NLRP5: variants seen among roughly 807,000 people sequenced by gnomAD.
NLRP5 encodes the protein NACHT, LRR and PYD domains-containing protein 5.
In NLRP5, 93 loss-of-function variants were observed where a neutral mutation model predicts 113.1. That is an observed-to-expected ratio of 0.82 (90% CI 0.70 to 0.98). The LOEUF (loss-of-function observed/expected upper bound fraction) is 0.98, where lower values mean the gene tolerates loss of function less well. NLRP5 is among the 50% of genes least tolerant of loss of function. NLRP5 has a pLI of 0.00. For missense variants in NLRP5, 1,808 were observed against 1,514.3 expected (o/e 1.19, Z -3.22); for synonymous variants, 751 against 600.7 (o/e 1.25, Z -3.66).
intron 3 of NLRP5, among the ~76,000 whole-genome samples, chr19:56,009,548 C>T (rs1982101071): frequency 6.6e-6 from 1 of 152,008 alleles, no homozygotes; most frequent in African/African-American, 2.4e-5. Context: ...GACCTCATGC[C>T]AGCCACTGCT....
intron 1 of NLRP5, among the ~76,000 whole-genome samples, chr19:56,001,831 C>T (rs1169679572): frequency 6.6e-6 from 1 of 152,160 alleles, no homozygotes; most frequent in Non-Finnish European, 1.5e-5. Context: ...CTGCTGTCTA[C>T]CTGAGTCTTT....
At chr19:56,005,427 A>C (rs1981851965) in intron 2 of NLRP5, among the ~76,000 whole-genome samples, 1 of 149,070 alleles carries the variant, frequency 6.7e-6, no homozygotes, top group African/African-American at 2.5e-5. Context: ...TTATATATAC[A>C]CATATTTATA....
intron 10 of NLRP5, among the ~76,000 whole-genome samples, chr19:56,038,833 G>A (rs965626929): frequency 7.2e-5 from 11 of 152,108 alleles, no homozygotes; most frequent in Admixed American, 2.0e-4. Flanking sequence ...TTCCTTTTCC[G>A]TGTCAGAGTT....
At chr19:56,009,031 C>G (rs751693716) in intron 3 of NLRP5, among the ~76,000 whole-genome samples, 178 bp downstream of exon 3, 2 of 152,016 alleles carry the variant, frequency 1.3e-5, no homozygotes, top group Non-Finnish European at 2.9e-5. Context: ...ATTTCTCTTT[C>G]CAAGTTGAAG....
chr19:56,054,758 A>AGGG (rs896043454), intron 13 of NLRP5, among the ~76,000 whole-genome samples: 4 of 151,976 alleles, frequency 2.6e-5, no homozygotes. Flanking sequence ...GGGAAGTAGA[A>AGGG]GGGGGGCAGC....
At chr19:56,018,597 CTTTTTT>C (rs916321118) in intron 4 of NLRP5, 3 of 152,134 alleles carry the variant, frequency 2.0e-5, no homozygotes, top group Non-Finnish European at 4.4e-5. Context: ...AAATCCAATT[CTTTTTT>C]TAAGAGAGAG....
Position 56,041,073 on chromosome 19 carries a change from T to C in NLRP5, c.2938T>C (p.Cys980Arg), listed in dbSNP as rs749204736. ...GTGTCGATCCATGAGGCTTCCCCACTGTAGTCTGCAGAGGCTGATGTGAGT... is the reference window on the plus strand; with the variant it reads ...GTGTCGATCCATGAGGCTTCCCCACCGTAGTCTGCAGAGGCTGATGTGAGT... The change falls in exon 11 of 15, where the codon TGT (cysteine) becomes CGT (arginine). Residue 980 changes from cysteine (C) to arginine (R), a missense_variant. Coordinates refer to ENST00000390649, the MANE Select transcript of NLRP5 (RefSeq NM_153447.4). The C allele has an allele frequency of 5.5e-5, 89 of 1,613,856 alleles. No homozygotes were observed. Among genetic ancestry groups the C allele is most frequent in the Non-Finnish European group, 6.9e-5 (81 of 1,179,868 alleles).
chr19:56,018,304 G>A (rs73068196), intron 4 of NLRP5, among the ~76,000 whole-genome samples: 5,773 of 152,236 alleles, frequency 0.038, 116 homozygotes, highest in East Asian at 0.062. Context: ...TCTTTAAAAT[G>A]GCAAATCTAT....
At chr19:56,031,754 C>G (rs1034642790) in intron 7 of NLRP5, among the ~76,000 whole-genome samples, 1 of 152,098 alleles carries the variant, frequency 6.6e-6, no homozygotes, top group African/African-American at 2.4e-5. Context: ...GGTAGAATGT[C>G]CTCCTCTAAG....
chr19:56,031,627 CAAAAAAAA>C (rs36019339), intron 7 of NLRP5, among the ~76,000 whole-genome samples: 3 of 113,178 alleles, frequency 2.7e-5, no homozygotes, highest in African/African-American at 1.0e-4. Context: ...ACTCCGTCTC[CAAAAAAAA>C]AAAAAAAAAA....
intron 11 of NLRP5, among the ~76,000 whole-genome samples, chr19:56,045,010 T>C (rs982210239): frequency 6.6e-6 from 1 of 152,258 alleles, no homozygotes; most frequent in African/African-American, 2.4e-5. Context: ...GATTTGATTC[T>C]CCGCTTGGTT....
rs757686567 is a variant in NLRP5 at position 56,053,786 on chromosome 19, A to C, written c.3277A>C (p.Asn1093His). ...GCTGTGCGAGGGACTGAAGCAAAAGAACAGTGTTCTGGCGAGACTCGGGTA... is the reference window on the plus strand; with the variant it reads ...GCTGTGCGAGGGACTGAAGCAAAAGCACAGTGTTCTGGCGAGACTCGGGTA... The change falls in exon 13 of 15, where the codon AAC (asparagine) becomes CAC (histidine). Residue 1093 changes from asparagine to histidine, a missense_variant. Coordinates refer to ENST00000390649, the MANE Select transcript of NLRP5 (RefSeq NM_153447.4). 2.5e-6 allele frequency: 4 copies of C among 1,613,850 alleles called. No individual in the cohort carries two copies. In the Admixed American group the frequency reaches 6.7e-5, roughly 27 times the overall value.
chr19:55,996,441 T>C (rs1409466428), upstream of NLRP5, among the ~76,000 whole-genome samples: 2 of 152,184 alleles, frequency 1.3e-5, no homozygotes, highest in Non-Finnish European at 2.9e-5. Flanking sequence ...CCTGTTGGTG[T>C]GCTGCACCCA....
At chr19:56,020,057 G>A (rs890910969) in intron 5 of NLRP5, among the ~76,000 whole-genome samples, 5 of 151,760 alleles carry the variant, frequency 3.3e-5, no homozygotes, top group African/African-American at 1.2e-4. Flanking sequence ...AGCTGGTCTC[G>A]AACTCGTGAC....
intron 2 of NLRP5, among the ~76,000 whole-genome samples, chr19:56,008,021 C>T (rs1416235344): frequency 2.3e-5 from 3 of 131,970 alleles, no homozygotes; most frequent in Admixed American, 8.0e-5. Context: ...CTCCGCCTCC[C>T]GGGTTCGTGC....
chr19:56,016,315 A>G (rs1009662020), intron 4 of NLRP5, among the ~76,000 whole-genome samples: 4 of 151,870 alleles, frequency 2.6e-5, no homozygotes, highest in Non-Finnish European at 5.9e-5. Flanking sequence ...CACCACGCCC[A>G]GCTAATTTTG....
In NLRP5 at chr19:56,030,711, C is replaced by CT. The variant is rs1251579019; in HGVS notation, c.2277-1898dup. 4.9e-3 allele frequency among the ~76,000 whole-genome samples: 235 copies of CT among 47,622 alleles called. 1 individual carries two copies. The highest frequency in any genetic ancestry group is 0.013 in the Admixed American group (51 of 3,828). 31.2% of individuals were successfully genotyped at this position (47,622 alleles called of 152,430 possible). A position where few individuals can be genotyped will look rare whatever the true frequency, so the allele number is the denominator to read the frequency against. ...TATACTTACATTCATTCGCTTTCTT[C>CT]TTCTTTTTTTTTTTTTTTTTTGAGA... On this transcript the variant is annotated intron_variant, in intron 7 of 14. Coordinates refer to ENST00000390649, the MANE Select transcript of NLRP5 (RefSeq NM_153447.4).
chr19:56,028,940 A>G (rs1466276660), intron 7 of NLRP5, among the ~76,000 whole-genome samples: 3 of 151,754 alleles, frequency 2.0e-5, no homozygotes, highest in African/African-American at 7.3e-5. Context: ...AGTTTTTGTA[A>G]TTTTAGTAGA....
At chr19:55,996,144 T>C (rs1981317628), upstream of NLRP5, among the ~76,000 whole-genome samples, 1 of 152,200 alleles carries the variant, frequency 6.6e-6, no homozygotes, top group Non-Finnish European at 1.5e-5. Flanking sequence ...TTTTCTTCCC[T>C]AATTGCTCTG....
Sources: allele counts gnomAD v4.1 joint callset (sites outside exome capture counted in the v4.1 genomes callset), GRCh38; gene constraint gnomAD v4.1.1; transcripts MANE v1.5; gene names NCBI Gene and HGNC (gene_info 2026-07-23, HGNC 2026-07-21).